The following NRXN1 variants were observed in gnomAD, a reference collection of about 807,000 sequenced individuals.
NRXN1 encodes the protein neurexin-1.
A neutral mutation model predicts 150.9 loss-of-function variants in NRXN1; 39 were observed. The observed-to-expected ratio is 0.26, with a 90% CI of 0.20 to 0.34. NRXN1 has a LOEUF of 0.34. NRXN1 is among the 10% of genes least tolerant of loss of function. The pLI is 1.00. For synonymous variants in NRXN1, 924 were observed against 757.0 expected (o/e 1.22, Z -3.62); for missense variants, 1,815 against 1,949.9 (o/e 0.93, Z 1.30).
intron 10 of NRXN1, among the ~76,000 whole-genome samples, chr2:50,535,534 CTGATTA>C (rs1429589538): frequency 6.6e-6 from 1 of 152,168 alleles, no homozygotes; most frequent in Non-Finnish European, 1.5e-5. Flanking sequence ...AAGCAGATCT[CTGATTA>C]TATCAATGCT....
rs897778950 is a variant in NRXN1, at chr2:50,978,251, C to G, written c.772+49251G>C. On this transcript the variant is annotated intron_variant, in intron 2 of 22. Transcript: ENST00000401669. ...TATACATATTCTTCCAGAGACCATA[C>G]TCTGAATATGGATATTATACATATA... Among the ~76,000 whole-genome samples the G allele has an allele frequency of 2.7e-5, 3 of 113,140 alleles. No homozygotes were observed. The Admixed American group carries it at 2.9e-4, about 11-fold the overall frequency. The allele number at this position is 113,140 out of a possible 152,430, so 74.2% of individuals were successfully genotyped here.
intron 2 of NRXN1, among the ~76,000 whole-genome samples, chr2:50,937,053 A>T (rs931469408): frequency 1.3e-5 from 2 of 152,088 alleles, no homozygotes; most frequent in African/African-American, 4.8e-5. Flanking sequence ...AAATAAGATA[A>T]ATCTAATATA....
At chr2:50,556,964 C>T (rs1287279462) in intron 8 of NRXN1, among the ~76,000 whole-genome samples, 2 of 152,080 alleles carry the variant, frequency 1.3e-5, no homozygotes, top group African/African-American at 4.8e-5. Context: ...AAAAGATGGT[C>T]GATTGTTCCT....
At chr2:50,767,623 G>A (rs1179893331) in intron 5 of NRXN1, among the ~76,000 whole-genome samples, 1 of 151,978 alleles carries the variant, frequency 6.6e-6, no homozygotes. Flanking sequence ...AAGTTGACCT[G>A]GAAATCTCTG....
At chr2:50,180,996 T>C (rs1205657793) in intron 18 of NRXN1, among the ~76,000 whole-genome samples, 1 of 152,180 alleles carries the variant, frequency 6.6e-6, no homozygotes, top group Non-Finnish European at 1.5e-5. Flanking sequence ...TTTTCTTTTA[T>C]ATTTGTGTTT....
intron 21 of NRXN1, among the ~76,000 whole-genome samples, chr2:49,981,649 C>A (rs72887819): frequency 1.3e-5 from 2 of 151,952 alleles, no homozygotes; most frequent in East Asian, 1.9e-4. Context: ...CTTCATAACC[C>A]TATGCATATG....
intron 17 of NRXN1, among the ~76,000 whole-genome samples, chr2:50,412,015 C>A (rs1265755513): frequency 6.6e-6 from 1 of 152,128 alleles, no homozygotes; most frequent in East Asian, 1.9e-4. Flanking sequence ...TAACCTTACC[C>A]CCAACCCCCT....
At chr2:49,982,885 A>C (rs1336632430) in intron 21 of NRXN1, among the ~76,000 whole-genome samples, 1 of 152,178 alleles carries the variant, frequency 6.6e-6, no homozygotes, top group East Asian at 1.9e-4. Flanking sequence ...ATCTTGAAAC[A>C]ATCTGTTAAA....
rs573652454 is a variant in NRXN1 at position 50,402,838 on chromosome 2, T to C, written c.3364+62604A>G. On this transcript the variant is annotated intron_variant, in intron 17 of 22. Coordinates refer to ENST00000401669, the MANE Select transcript of NRXN1 (RefSeq NM_001330078.2). The stretch of plus-strand genomic sequence containing the variant: ...TTCTTTAAGCCTCAACTCCTCCCTG[T>C]AAATTGCAATTAGTAATAATAATAA... 1.2e-4 allele frequency among the ~76,000 whole-genome samples: 19 copies of C among 152,130 alleles called. 1 individual carries two copies. The South Asian group carries it at 3.7e-3, about 30-fold the overall frequency.
At chr2:51,014,113 G>A (rs571945320) in intron 2 of NRXN1, among the ~76,000 whole-genome samples, 1 of 152,174 alleles carries the variant, frequency 6.6e-6, no homozygotes, top group African/African-American at 2.4e-5. Flanking sequence ...AAAGGCAACA[G>A]GGAAGGTGAG....
At chr2:50,808,023 G>A (rs1667731416) in intron 5 of NRXN1, among the ~76,000 whole-genome samples, 1 of 152,094 alleles carries the variant, frequency 6.6e-6, no homozygotes, top group Non-Finnish European at 1.5e-5. Flanking sequence ...ATTTTGGGGT[G>A]TGTTTATACT....
At chr2:50,366,300 T>C (rs1272939366) in intron 17 of NRXN1, among the ~76,000 whole-genome samples, 1 of 151,942 alleles carries the variant, frequency 6.6e-6, no homozygotes, top group Non-Finnish European at 1.5e-5. Context: ...TTCAATAGTC[T>C]CCTATGAATT....
chr2:50,817,334 A>C (rs1669078985), intron 5 of NRXN1, among the ~76,000 whole-genome samples: 1 of 152,102 alleles, frequency 6.6e-6, no homozygotes, highest in Non-Finnish European at 1.5e-5. Context: ...ACAGTTCATT[A>C]ACTATTAAGG....
rs113632767 is a variant in NRXN1, at chr2:50,860,734, T to G, written c.832+61135A>C. Among the ~76,000 whole-genome samples the G allele has an allele frequency of 2.0e-3, 310 of 152,240 alleles. 1 individual carries two copies. Among genetic ancestry groups the G allele is most frequent in the Non-Finnish European group, 3.0e-3 (206 of 68,008 alleles). The stretch of plus-strand genomic sequence containing the variant: ...CTGCTCATTTCCTGAGTTCTTCCTC[T>G]GTGCCAGGCCATACTGAAAAGCGAT... On this transcript the variant is annotated intron_variant, in intron 5 of 22. Coordinates refer to ENST00000401669, the MANE Select transcript of NRXN1 (RefSeq NM_001330078.2).
intron 2 of NRXN1, among the ~76,000 whole-genome samples, chr2:51,002,255 T>G (rs902381772): frequency 1.3e-5 from 2 of 151,912 alleles, no homozygotes; most frequent in Non-Finnish European, 2.9e-5. Flanking sequence ...GGAAAGGTAT[T>G]TTTCCCCTCC....
chr2:50,107,771 T>C (rs959144328), intron 18 of NRXN1, among the ~76,000 whole-genome samples: 13 of 151,894 alleles, frequency 8.6e-5, no homozygotes, highest in African/African-American at 2.7e-4. Context: ...TTGATAGTAA[T>C]ACTAATAAGT....
intron 21 of NRXN1, among the ~76,000 whole-genome samples, chr2:50,037,822 T>G (rs1020836205): frequency 6.6e-6 from 1 of 152,214 alleles, no homozygotes; most frequent in Admixed American, 6.5e-5. Context: ...TAGAAACTGC[T>G]TCAGCAGGTT....
intron 10 of NRXN1, among the ~76,000 whole-genome samples, chr2:50,534,712 A>T (rs2093208863): frequency 6.6e-6 from 1 of 152,186 alleles, no homozygotes; most frequent in Non-Finnish European, 1.5e-5. Flanking sequence ...ATATAGATAA[A>T]AGGATCAAAA....
chr2:49,928,858 C>A (rs1462046431), intron 22 of NRXN1, among the ~76,000 whole-genome samples: 2 of 152,172 alleles, frequency 1.3e-5, no homozygotes, highest in African/African-American at 4.8e-5. Flanking sequence ...CTCCCTCCCA[C>A]CAATTCCACC....
Sources: gnomAD v4.1 joint callset for allele counts (sites outside exome capture counted in the v4.1 genomes callset) on GRCh38, gnomAD v4.1.1 for gene constraint, MANE v1.5 for transcripts, NCBI Gene and HGNC (gene_info 2026-07-23, HGNC 2026-07-21) for gene names.